Variants in SMYD3 observed in about 807,000 individuals in gnomAD.
SMYD3 encodes histone-lysine N-methyltransferase SMYD3.
A neutral mutation model predicts 57.7 loss-of-function variants in SMYD3; 36 were observed. The observed-to-expected ratio is 0.62, with a 90% confidence interval of 0.48 to 0.82. The LOEUF (loss-of-function observed/expected upper bound fraction) is 0.82, where lower values mean the gene tolerates loss of function less well. Among genes scored for constraint, SMYD3 ranks in the 40% least tolerant of loss-of-function variants. The probability of loss-of-function intolerance (pLI) is 0.00; values close to 1 mark genes in which losing one functional copy is unlikely to be tolerated. For synonymous variants in SMYD3, 211 were observed against 195.0 expected, an observed-to-expected ratio of 1.08 and a Z score of -0.68; for missense variants, 515 against 538.8, an observed-to-expected ratio of 0.96 and a Z score of 0.44.
At chr1:245,849,456 T>A (rs536575118) in intron 10 of SMYD3, among the ~76,000 whole-genome samples, 10 of 151,888 alleles carry the variant, frequency 6.6e-5, no homozygotes, top group Non-Finnish European at 1.3e-4. Context: ...CCAGCAGAGA[T>A]GAGTTATGTG....
chr1:246,155,350 T>C (rs1416770311), intron 5 of SMYD3, among the ~76,000 whole-genome samples: 4 of 152,200 alleles, frequency 2.6e-5, no homozygotes, highest in Admixed American at 2.0e-4. Flanking sequence ...AAGCAGATAA[T>C]GTTCGTCCCT....
chr1:245,948,964 T>C (rs1487401898), intron 5 of SMYD3, among the ~76,000 whole-genome samples: 4 of 152,154 alleles, frequency 2.6e-5, no homozygotes, highest in African/African-American at 9.7e-5. Context: ...GAGCAGTTCC[T>C]CTGCAAGCCT....
chr1:246,093,705 G>A (rs1307315615), intron 5 of SMYD3, among the ~76,000 whole-genome samples: 1 of 152,006 alleles, frequency 6.6e-6, no homozygotes, highest in African/African-American at 2.4e-5. Context: ...AATTGAAAAT[G>A]ATTTAAGTTC....
chr1:246,247,114 C>T (rs150730060), intron 5 of SMYD3, among the ~76,000 whole-genome samples: 6 of 151,962 alleles, frequency 3.9e-5, no homozygotes, highest in Admixed American at 2.0e-4. Flanking sequence ...GAATCCAGGT[C>T]GCTACTCTGT....
At chr1:245,877,541 A>G (rs1468618846) in intron 8 of SMYD3, among the ~76,000 whole-genome samples, 1 of 152,250 alleles carries the variant, frequency 6.6e-6, no homozygotes, top group Non-Finnish European at 1.5e-5. Context: ...GATGACATGA[A>G]TCTGAATAAG....
At chr1:246,168,030 C>T (rs921521415) in intron 5 of SMYD3, among the ~76,000 whole-genome samples, 2 of 152,132 alleles carry the variant, frequency 1.3e-5, no homozygotes, top group African/African-American at 4.8e-5. Context: ...CAAAACAGTG[C>T]GGTGGTTAGG....
At chr1:245,948,330 C>T (rs1572764672) in intron 5 of SMYD3, among the ~76,000 whole-genome samples, 3 of 152,254 alleles carry the variant, frequency 2.0e-5, no homozygotes, top group South Asian at 2.1e-4. Context: ...TGACAGGAGA[C>T]GCCTAAGGCA....
chr1:245,878,338 A>G (rs1476230939), intron 8 of SMYD3, among the ~76,000 whole-genome samples: 2 of 152,136 alleles, frequency 1.3e-5, no homozygotes, highest in Non-Finnish European at 2.9e-5. Context: ...TGGACACGGA[A>G]AGGCAGACCC....
intron 10 of SMYD3, among the ~76,000 whole-genome samples, chr1:245,792,872 T>G (rs974442830): frequency 3.3e-5 from 5 of 152,156 alleles, no homozygotes; most frequent in African/African-American, 1.2e-4. Context: ...GTCATCTCAG[T>G]GGCTGCTGCC....
Position 245,750,523 on chromosome 1 carries a change from A to T in SMYD3, c.1186-859T>A, listed in dbSNP as rs536823837. Among the ~76,000 whole-genome samples the T allele has an allele frequency of 2.8e-4, 43 of 152,320 alleles. 2 individuals carry two copies. The highest frequency in any genetic ancestry group is 2.4e-3 in the Admixed American group (36 of 15,306). ...GATCTGTCTTCCCAGATGAAACACC[A>T]GACATTGTAGAAAAGAAGAAAGCCA... On this transcript the variant is annotated intron_variant, in intron 11 of 11. Coordinates refer to ENST00000490107, the MANE Select transcript of SMYD3 (RefSeq NM_001167740.2).
At chr1:245,847,202 T>C (rs1296528104) in intron 10 of SMYD3, among the ~76,000 whole-genome samples, 1 of 152,226 alleles carries the variant, frequency 6.6e-6, no homozygotes, top group African/African-American at 2.4e-5. Context: ...TTGCTCTAAA[T>C]AACTGTAATT....
At chr1:245,820,720 CA>C (rs1382263549) in intron 10 of SMYD3, among the ~76,000 whole-genome samples, 4 of 151,660 alleles carry the variant, frequency 2.6e-5, no homozygotes, top group African/African-American at 9.7e-5. Flanking sequence ...AATCAATGTA[CA>C]AAAATCACAA....
chr1:246,427,041 G>T lies in SMYD3; in HGVS notation c.165-71947C>A, dbSNP rs1225623589. Reference sequence around the variant, plus strand: ...AGTGTGTGTTTTTAACTACTACCAAGGAGAGAGAAGTTAGTAGACAAGAAG... The same window carrying T: ...AGTGTGTGTTTTTAACTACTACCAATGAGAGAGAAGTTAGTAGACAAGAAG... On this transcript the variant is annotated intron_variant, in intron 1 of 11. Coordinates refer to ENST00000490107, the MANE Select transcript of SMYD3 (RefSeq NM_001167740.2). Among the ~76,000 whole-genome samples the T allele has an allele frequency of 2.6e-5, 4 of 152,206 alleles. No individual in the cohort carries two copies. The East Asian group carries it at 7.7e-4, about 29-fold the overall frequency.
intron 5 of SMYD3, among the ~76,000 whole-genome samples, chr1:246,080,152 T>A (rs1045659109): frequency 1.4e-5 from 2 of 145,054 alleles, no homozygotes; most frequent in East Asian, 3.9e-4. Flanking sequence ...GTCAGTCTCC[T>A]AGGGCAGGGG....
intron 5 of SMYD3, among the ~76,000 whole-genome samples, chr1:246,286,734 T>C (rs12080670): frequency 0.04 from 6,074 of 152,270 alleles, 408 homozygotes; most frequent in African/African-American, 0.14. Context: ...GTAGGTCTGC[T>C]GCCTCTCAAA....
At chr1:246,234,899 T>C (rs1435900176) in intron 5 of SMYD3, among the ~76,000 whole-genome samples, 1 of 152,216 alleles carries the variant, frequency 6.6e-6, no homozygotes, top group Admixed American at 6.5e-5. Context: ...CTAAAACCTG[T>C]ACTGAAGAAG....
chr1:246,327,529 A>C (rs2065376573), intron 4 of SMYD3, among the ~76,000 whole-genome samples, 192 bp from the exon 5 acceptor site: 1 of 152,220 alleles, frequency 6.6e-6, no homozygotes, highest in African/African-American at 2.4e-5. Flanking sequence ...ATTCTGCCAA[A>C]TTTTGTCTGC....
At chr1:246,131,786 T>C (rs2061592111) in intron 5 of SMYD3, among the ~76,000 whole-genome samples, 2 of 152,212 alleles carry the variant, frequency 1.3e-5, no homozygotes, top group South Asian at 4.1e-4. Flanking sequence ...TAAACAATGA[T>C]GAACACATAT....
intron 5 of SMYD3, among the ~76,000 whole-genome samples, chr1:246,230,874 G>A (rs12088464): frequency 0.03 from 4,575 of 152,228 alleles, 304 homozygotes; most frequent in East Asian, 0.24. Context: ...TGTGGCTACT[G>A]GTTACCATAT....
Sources: gnomAD v4.1 joint callset for allele counts (sites outside exome capture counted in the v4.1 genomes callset) on GRCh38, gnomAD v4.1.1 for gene constraint, MANE v1.5 for transcripts, NCBI Gene and HGNC (gene_info 2026-07-23, HGNC 2026-07-21) for gene names.